The following USP6 variants were observed in gnomAD, a reference collection of about 807,000 sequenced individuals.
USP6 encodes ubiquitin specific peptidase 6.
USP6 carries 128 observed loss-of-function variants against 175.7 expected under a neutral mutation model. The ratio of observed to expected loss-of-function variants is 0.73; its 90% confidence interval spans 0.63 to 0.84. The LOEUF is 0.84. Among genes scored for constraint, USP6 ranks in the 40% least tolerant of loss-of-function variants. The probability of loss-of-function intolerance (pLI) is 0.00; values close to 1 mark genes in which losing one functional copy is unlikely to be tolerated. For synonymous variants in USP6, 562 were observed against 630.6 expected (o/e 0.89, Z 1.63); for missense variants, 1,498 against 1,760.3 (o/e 0.85, Z 2.67).
intron 25 of USP6, 101 bp downstream of exon 25, chr17:5,142,603 C>T (rs1390097547): frequency 1.1e-5 from 16 of 1,445,550 alleles, no homozygotes; most frequent in East Asian, 2.5e-5. Context: ...GCTTAATGAA[C>T]GTTTTTGGAT....
In USP6 at chr17:5,142,103, G is replaced by A. The variant is rs142791498; in HGVS notation, c.1674G>A (p.Gln558=). 27 of 1,613,390 alleles carry A rather than the reference G, an allele frequency of 1.7e-5. No individual in the cohort carries two copies. In the African/African-American group the frequency reaches 3.2e-4, roughly 19 times the overall value. ...QCVSNTQPLT[Q]YFISGRHLYE... is the part of the protein sequence containing the mutation. The stretch of plus-strand genomic sequence containing the variant: ...TTAGTAACACACAGCCACTGACACA[G>A]TATTTTATCTCAGGGAGACATCTTT... The change falls in exon 24 of 38, where the codon CAG becomes CAA. Residue 558 remains glutamine (Q), a synonymous_variant. Transcript: ENST00000574788.
intron 1 of USP6, among the ~76,000 whole-genome samples, chr17:5,117,059 C>G (rs2072554243): frequency 6.6e-6 from 1 of 152,172 alleles, no homozygotes; most frequent in African/African-American, 2.4e-5. Flanking sequence ...CTAGGTGAGA[C>G]TCCCCACTGT....
At chr17:5,158,614 G>GGGGAGAGA (rs2073938861) in intron 31 of USP6, among the ~76,000 whole-genome samples, 2 of 26,356 alleles carry the variant, frequency 7.6e-5, no homozygotes, top group Non-Finnish European at 1.5e-4. Flanking sequence ...AGGGAGAGGG[G>GGGGAGAGA]GAGAGAGAGA....
intron 15 of USP6, 186 bp from the exon 16 acceptor site, chr17:5,135,048 C>G (rs1256887200): frequency 1.5e-6 from 1 of 648,726 alleles, no homozygotes; most frequent in Admixed American, 2.2e-5. Flanking sequence ...TAGAACTGGG[C>G]TATTTGCATG....
In USP6 at chr17:5,132,975, T is replaced by C. The variant is rs141975863; in HGVS notation, c.261T>C (p.Tyr87=). The C allele has an allele frequency of 3.7e-6, 6 of 1,613,936 alleles. No homozygotes were observed. The highest frequency in any genetic ancestry group is 2.7e-5 in the African/African-American group (2 of 74,912). ...WMEMLGEWET[Y]KHSSKLIDRV... ...AAATGCTGGGAGAATGGGAGACATA[T>C]AAGCACAGTAGCAAAGTAATGTGTG... The change falls in exon 13 of 38, where the codon TAT becomes TAC. Residue 87 remains tyrosine (Y), a synonymous_variant. Transcript: ENST00000574788. This position sits in a 1 kb window ranked among gnomAD's most constrained non-coding sequence, Gnocchi z 4.7.
Position 5,172,814 on chromosome 17 carries a change from C to T in USP6, c.4057C>T (p.Pro1353Ser). ...TTTCTTGCCCTTTCAGGAACTTCACCCTGATGAAATTGACACCGACTCTGC... is the reference window on the plus strand; with the variant it reads ...TTTCTTGCCCTTTCAGGAACTTCACTCTGATGAAATTGACACCGACTCTGC... ...YNDSSCEELH[P>S]DEIDTDSAYI... Residue 1353 changes from proline to serine, a missense_variant, in exon 38 of 38, where the codon CCT becomes TCT. Around this residue, in one of 2 missense-constraint regions of USP6, gnomAD observed 1,217 missense variants for 1,500.8 expected, o/e 0.81. Coordinates refer to ENST00000574788, the MANE Select transcript of USP6 (RefSeq NM_001304284.2). 6.2e-7 allele frequency: 1 copy of T among 1,613,288 alleles called. No homozygotes were observed. Among genetic ancestry groups the T allele is most frequent in the East Asian group, 2.2e-5 (1 of 44,880 alleles).
chr17:5,141,363 G>T, intron 22 of USP6, 62 bp from the exon 23 acceptor site: 2 of 1,425,534 alleles, frequency 1.4e-6, no homozygotes, highest in Non-Finnish European at 1.9e-6. Flanking sequence ...AAAAACAGAA[G>T]CAATCAAGTG....
intron 33 of USP6, among the ~76,000 whole-genome samples, chr17:5,164,727 C>T (rs1453393501): frequency 6.6e-6 from 1 of 152,200 alleles, no homozygotes; most frequent in Non-Finnish European, 1.5e-5. Flanking sequence ...AATCGGGGCT[C>T]CACTACATGT....
At position 5,120,761 on chromosome 17, in the gene USP6, G is replaced by A. The variant is rs1427621430; in HGVS notation, c.-1702G>A. ...AGAAATTGGTGGAGAAGAGCTACAAGGATGCCAAGGGCTGTTTCTTCAGCA... is the reference window on the plus strand; with the variant it reads ...AGAAATTGGTGGAGAAGAGCTACAAAGATGCCAAGGGCTGTTTCTTCAGCA... On this transcript the variant is annotated 5_prime_UTR_variant, in exon 3 of 38. Coordinates refer to ENST00000574788, the MANE Select transcript of USP6 (RefSeq NM_001304284.2). 2.3e-6 allele frequency: 1 copy of A among 443,682 alleles called. No individual in the cohort carries two copies. Among genetic ancestry groups the A allele is most frequent in the Admixed American group, 2.4e-5 (1 of 42,100 alleles). The allele number at this position is 443,682 out of a possible 1,614,324, so 27.5% of individuals were successfully genotyped here. A position where few individuals can be genotyped will look rare whatever the true frequency, so the allele number is the denominator to read the frequency against.
rs201303694 is a variant in USP6 at position 5,161,599 on chromosome 17, G to C, written c.2900G>C (p.Trp967Ser). 90 of 1,613,768 alleles carry C rather than the reference G, an allele frequency of 5.6e-5. No homozygotes were observed. The Admixed American group carries it at 8.2e-4, about 15-fold the overall frequency. ...CAGAAAGATGGGAACTCCTGTGCTTGGTGCCCACAGTATAGGTAAAGTGAC... is the reference window on the plus strand; with the variant it reads ...CAGAAAGATGGGAACTCCTGTGCTTCGTGCCCACAGTATAGGTAAAGTGAC... ...VVQKDGNSCA[W>S]CPQYRFCRGC... Residue 967 changes from tryptophan (W) to serine (S), a missense_variant, in exon 32 of 38, where the codon TGG becomes TCG. By Grantham distance (177) the Trp-to-Ser change is radical. This residue lies in a region of USP6 where 1,217 missense variants were observed against 1,500.8 expected (regional missense o/e 0.81). Coordinates refer to ENST00000574788, the MANE Select transcript of USP6 (RefSeq NM_001304284.2).
intron 29 of USP6, among the ~76,000 whole-genome samples, chr17:5,147,831 C>T (rs35856850): frequency 0.096 from 14,532 of 152,130 alleles, 747 homozygotes; most frequent in Middle Eastern, 0.16. Flanking sequence ...GTTAAGAGCT[C>T]GAGATGTGGC....
chr17:5,174,101 G>A lies in USP6; in HGVS notation c.*1123G>A, dbSNP rs1053531. ...GTTTTGCTTTGTTTGCATGTCCACT[G>A]GTTTTTTTATTTTGATATTTGTCTT... is the stretch of plus-strand genomic sequence containing the variant. On this transcript the variant is annotated 3_prime_UTR_variant, in exon 38 of 38. Coordinates refer to ENST00000574788, the MANE Select transcript of USP6 (RefSeq NM_001304284.2). 1.6e-4 allele frequency: 33 copies of A among 203,656 alleles called. No homozygotes were observed. The highest frequency in any genetic ancestry group is 3.0e-4 in the Non-Finnish European group (30 of 99,154). 12.6% of individuals were successfully genotyped at this position (203,656 alleles called of 1,614,324 possible).
intron 34 of USP6, 32 bp downstream of exon 34, chr17:5,168,155 G>A (rs773590540): frequency 6.5e-7 from 1 of 1,540,950 alleles, no homozygotes. Flanking sequence ...GAGAGAGCAG[G>A]AATCTAGCAT....
In USP6 at chr17:5,168,978, G is replaced by C; in HGVS notation, c.3440G>C (p.Ser1147Thr). 1 of 1,613,998 alleles carries C rather than the reference G, an allele frequency of 6.2e-7. No homozygotes were observed. Among genetic ancestry groups the C allele is most frequent in the Non-Finnish European group, 8.5e-7 (1 of 1,179,858 alleles). The change falls in exon 35 of 38, where the codon AGT becomes ACT. Residue 1147 changes from serine (S) to threonine (T), a missense_variant. Ser to Thr is a moderately conservative substitution (Grantham distance 58). Transcript: ENST00000574788. The part of the protein sequence containing the change: ...AREVKKVDAQ[S>T]SAGKEDMLLS... ...GAGGTGAAGAAAGTGGATGCGCAGA[G>C]TTCGGCTGGAAAAGAGGACATGCTC... is the stretch of plus-strand genomic sequence containing the variant.
At position 5,132,153 on chromosome 17, in the gene USP6, C is replaced by T. The variant is rs968457575; in HGVS notation, c.156-243C>T. The T allele has an allele frequency of 1.4e-5, 21 of 1,449,200 alleles. No homozygotes were observed. Among genetic ancestry groups the T allele is most frequent in the African/African-American group, 5.6e-5 (4 of 71,102 alleles). 89.8% of individuals were successfully genotyped at this position (1,449,200 alleles called of 1,614,324 possible). ...CAGCCCCACTGTGGCCTGACCACCC[C>T]CCATGCCAGGGGCCCCAGTAACCCC... On this transcript the variant is annotated intron_variant, in intron 11 of 37. Transcript: ENST00000574788. The surrounding 1 kb of genome is among the most constrained non-coding windows in gnomAD (Gnocchi z 4.7).
chr17:5,142,759 C>G (rs535255796), intron 25 of USP6, among the ~76,000 whole-genome samples: 1 of 152,156 alleles, frequency 6.6e-6, no homozygotes, highest in African/African-American at 2.4e-5. Context: ...TGTCAAACAT[C>G]TTATATGAAG....
At chr17:5,155,396 C>T in intron 30 of USP6, 26 bp from the exon 31 acceptor site, 1 of 1,608,678 alleles carries the variant, frequency 6.2e-7, no homozygotes, top group Non-Finnish European at 8.5e-7. Context: ...GTCTTCTCAA[C>T]TCTCTATTCT....
Position 5,139,486 on chromosome 17 carries a change from TGGCTCAG to T in USP6, c.1313_1319del (p.Ala438GlufsTer24). The T allele has an allele frequency of 6.2e-7, 1 of 1,613,528 alleles. No individual in the cohort carries two copies. Among genetic ancestry groups the T allele is most frequent in the Non-Finnish European group, 8.5e-7 (1 of 1,180,026 alleles). On this transcript the variant is annotated frameshift_variant, in exon 22 of 38. Transcript: ENST00000574788. LOFTEE classifies it high-confidence loss of function. ...ACTCAGGGTGTGCCCAGCCTGGCCC[TGGCTCAG>T]GGAGGACCTCAGGGTTCCTGGAGAT...
chr17:5,166,070 T>C (rs146195508), intron 33 of USP6, among the ~76,000 whole-genome samples: 1 of 152,336 alleles, frequency 6.6e-6, no homozygotes, highest in East Asian at 1.9e-4. Flanking sequence ...CTATCGTATA[T>C]GATACACCCC....
Sources: allele counts gnomAD v4.1 joint callset (sites outside exome capture counted in the v4.1 genomes callset), GRCh38; gene constraint gnomAD v4.1.1; regional missense constraint gnomAD v4.1.1; non-coding constraint Gnocchi (gnomAD v3.1); transcripts MANE v1.5; gene names NCBI Gene and HGNC (gene_info 2026-07-23, HGNC 2026-07-21).